The following ANO3 variants were observed in gnomAD, a reference collection of about 807,000 sequenced individuals.
ANO3 encodes anoctamin 3.
In ANO3, 99 loss-of-function variants were observed where a neutral mutation model predicts 144.8. That is an observed-to-expected ratio of 0.68 (90% confidence interval 0.58 to 0.81). The LOEUF (loss-of-function observed/expected upper bound fraction) is 0.81. Ranked by LOEUF, ANO3 falls within the 30% of genes least tolerant of loss-of-function variation. The pLI, the probability that ANO3 is intolerant of heterozygous loss-of-function variation, is 0.00. For missense variants in ANO3, 905 were observed against 1,202.2 expected, an observed-to-expected ratio of 0.75 and a Z score of 3.66; for synonymous variants, 414 against 392.6, an observed-to-expected ratio of 1.05 and a Z score of -0.64.
chr11:26,312,385 A>G (rs371057410), intron 1 of ANO3, among the ~76,000 whole-genome samples: 1 of 152,258 alleles, frequency 6.6e-6, no homozygotes, highest in Admixed American at 6.5e-5. Flanking sequence ...GGGTCAAATG[A>G]TATTTCTAGT....
At chr11:26,469,379 CATTTCACA>C (rs879468232) in intron 4 of ANO3, among the ~76,000 whole-genome samples, 1 of 151,810 alleles carries the variant, frequency 6.6e-6, no homozygotes, top group Non-Finnish European at 1.5e-5. Flanking sequence ...ATAAAGGTAG[CATTTCACA>C]TCAGGAAATA....
chr11:26,193,123 T>C (rs1161674341), intron 1 of ANO3, among the ~76,000 whole-genome samples: 1 of 150,410 alleles, frequency 6.6e-6, no homozygotes, highest in Non-Finnish European at 1.5e-5. Context: ...AGTGGGATTT[T>C]GATTTTGCCT....
At chr11:26,283,321 AATATATATATATAT>A (rs58419788) in intron 1 of ANO3, among the ~76,000 whole-genome samples, 44 of 49,126 alleles carry the variant, frequency 9.0e-4, no homozygotes, top group African/African-American at 1.9e-3. Flanking sequence ...CAAATAAATA[AATATATATATATAT>A]ATATATATAT....
intron 17 of ANO3, among the ~76,000 whole-genome samples, chr11:26,618,581 A>G (rs769946228): frequency 6.6e-6 from 1 of 152,086 alleles, no homozygotes; most frequent in Non-Finnish European, 1.5e-5. Context: ...TTTCTATTGT[A>G]TTTATTGGGT....
At chr11:26,504,551 A>G (rs929619220) in intron 4 of ANO3, among the ~76,000 whole-genome samples, 1 of 143,790 alleles carries the variant, frequency 7.0e-6, no homozygotes, top group Non-Finnish European at 1.5e-5. Flanking sequence ...TATATTATGT[A>G]TTAGAAGGTA....
Position 26,495,288 on chromosome 11 carries a change from T to C in ANO3, c.433-12816T>C, listed in dbSNP as rs1451254867. On this transcript the variant is annotated intron_variant, in intron 4 of 26. Coordinates refer to ENST00000256737, the MANE Select transcript of ANO3 (RefSeq NM_031418.4). The stretch of plus-strand genomic sequence containing the variant: ...TGGCTGATTTTTTTTTTTTTTTTTT[T>C]CTGTAGAGATAGGGTTTCTCTGTGT... Among the ~76,000 whole-genome samples the C allele has an allele frequency of 2.4e-5, 3 of 123,670 alleles. No homozygotes were observed. The East Asian group carries it at 6.7e-4, about 28-fold the overall frequency. 81.1% of individuals were successfully genotyped at this position (123,670 alleles called of 152,430 possible).
intron 18 of ANO3, among the ~76,000 whole-genome samples, chr11:26,625,934 C>T: frequency 6.6e-6 from 1 of 152,170 alleles, no homozygotes; most frequent in Non-Finnish European, 1.5e-5. Context: ...CTTTGTAGAT[C>T]TGAAAATGTC....
At chr11:26,339,412 C>T (rs1002107165) in intron 1 of ANO3, among the ~76,000 whole-genome samples, 2 of 152,158 alleles carry the variant, frequency 1.3e-5, no homozygotes, top group Non-Finnish European at 2.9e-5. Flanking sequence ...CCTGGGCTTC[C>T]CAAAGTGCTG....
intron 1 of ANO3, among the ~76,000 whole-genome samples, chr11:26,250,985 C>T (rs1458783068): frequency 6.6e-6 from 1 of 152,104 alleles, no homozygotes; most frequent in African/African-American, 2.4e-5. Context: ...CAGCTGTTTA[C>T]CCTTGTGATA....
At chr11:26,466,044 A>G (rs922559711) in intron 4 of ANO3, among the ~76,000 whole-genome samples, 1 of 151,960 alleles carries the variant, frequency 6.6e-6, no homozygotes, top group African/African-American at 2.4e-5. Flanking sequence ...TAATTTTGAT[A>G]TCTACTATGA....
chr11:26,462,729 G>T (rs1481968317), intron 3 of ANO3, among the ~76,000 whole-genome samples: 3 of 151,646 alleles, frequency 2.0e-5, no homozygotes, highest in Non-Finnish European at 4.4e-5. Context: ...TTTTTTCATG[G>T]TTCCAATTTT....
intron 10 of ANO3, among the ~76,000 whole-genome samples, chr11:26,538,235 C>T (rs1003308228): frequency 6.6e-6 from 1 of 152,076 alleles, no homozygotes; most frequent in Admixed American, 6.6e-5. Flanking sequence ...TTGAGATATA[C>T]AATAACATTA....
chr11:26,338,281 A>G (rs755629312), intron 1 of ANO3, among the ~76,000 whole-genome samples: 4 of 152,164 alleles, frequency 2.6e-5, no homozygotes, highest in Non-Finnish European at 5.9e-5. Context: ...CTCTGTAAAA[A>G]TGCACCAATT....
intron 4 of ANO3, among the ~76,000 whole-genome samples, chr11:26,495,050 G>C (rs1860872858): frequency 1.3e-5 from 2 of 151,604 alleles, no homozygotes. Context: ...TAGGTTAAAA[G>C]AGTTTATCTT....
chr11:26,200,107 C>T (rs1230177539), intron 1 of ANO3, among the ~76,000 whole-genome samples: 1 of 152,040 alleles, frequency 6.6e-6, no homozygotes, highest in Non-Finnish European at 1.5e-5. Flanking sequence ...CAAAAATGAC[C>T]TGGGGAGCCT....
chr11:26,613,152 G>A (rs1852149290), intron 17 of ANO3, among the ~76,000 whole-genome samples: 1 of 151,856 alleles, frequency 6.6e-6, no homozygotes, highest in South Asian at 2.1e-4. Context: ...TTCACTTAAT[G>A]GTGTTTCATA....
chr11:26,535,668 T>C (rs2703420), intron 9 of ANO3, among the ~76,000 whole-genome samples: 145,126 of 148,262 alleles, frequency 0.98, 71,108 homozygotes, highest in East Asian at 1. Flanking sequence ...CTGCAAGCTC[T>C]GCCTCCCGGG....
intron 1 of ANO3, among the ~76,000 whole-genome samples, chr11:26,239,263 A>C (rs959781028): frequency 1.3e-5 from 2 of 152,184 alleles, no homozygotes; most frequent in African/African-American, 4.8e-5. Context: ...TTCCATATTC[A>C]TGTGGGACAG....
At chr11:26,336,200 G>A (rs1351901440) in intron 1 of ANO3, among the ~76,000 whole-genome samples, 1 of 152,156 alleles carries the variant, frequency 6.6e-6, no homozygotes, top group Non-Finnish European at 1.5e-5. Context: ...GAGCTCATGT[G>A]TCATACAAGG....
Sources: allele counts gnomAD v4.1 joint callset (sites outside exome capture counted in the v4.1 genomes callset), GRCh38; gene constraint gnomAD v4.1.1; transcripts MANE v1.5; gene names NCBI Gene and HGNC (gene_info 2026-07-23, HGNC 2026-07-21).